BRD10: variants seen among roughly 807,000 people sequenced by gnomAD.
BRD10 encodes bromodomain containing 10.
At chr9:6,003,761 T>C in the BRD10 span, among the ~76,000 whole-genome samples, 7 of 151,928 alleles carry the variant, frequency 4.6e-5, no homozygotes, top group African/African-American at 7.2e-5. Flanking sequence ...AAAATATATA[T>C]AGATAATATA....
At chr9:5,921,681 G>A in the BRD10 span, 1 of 1,613,882 alleles carries the variant, frequency 6.2e-7, no homozygotes, top group Non-Finnish European at 8.5e-7. Flanking sequence ...ACTTGTTGCT[G>A]TTTAGTTGGA....
the BRD10 span, among the ~76,000 whole-genome samples, chr9:5,973,087 C>T: frequency 2.0e-5 from 3 of 152,156 alleles, no homozygotes; most frequent in African/African-American, 7.2e-5. Flanking sequence ...AGTAGTAATA[C>T]ATAGGTTAAT....
At chr9:5,930,710 A>G in the BRD10 span, among the ~76,000 whole-genome samples, 3 of 152,174 alleles carry the variant, frequency 2.0e-5, no homozygotes, top group Admixed American at 6.5e-5. Flanking sequence ...TTTATTTCAT[A>G]TATTAATCTA....
chr9:5,922,780 C>T, the BRD10 span: 1 of 1,614,000 alleles, frequency 6.2e-7, no homozygotes, highest in African/African-American at 1.3e-5. Flanking sequence ...TTGGCAACCA[C>T]TGGCCACAGG....
chr9:6,005,502 G>A, the BRD10 span, among the ~76,000 whole-genome samples: 19 of 152,280 alleles, frequency 1.2e-4, no homozygotes, highest in African/African-American at 4.3e-4. Context: ...GAGACTCAGA[G>A]AAAATAAAAT....
chr9:5,892,997 C>T, the BRD10 span, among the ~76,000 whole-genome samples: 9 of 152,146 alleles, frequency 5.9e-5, no homozygotes, highest in African/African-American at 1.9e-4. Context: ...CAGCCAGACT[C>T]GAGAGGAAGA....
the BRD10 span, chr9:5,920,876 G>C: frequency 4.3e-6 from 7 of 1,614,014 alleles, no homozygotes; most frequent in Admixed American, 8.3e-5. Flanking sequence ...TATAGCCACA[G>C]TGTTTCCGAG....
chr9:5,911,929 T>G, the BRD10 span, among the ~76,000 whole-genome samples: 1 of 152,196 alleles, frequency 6.6e-6, no homozygotes, highest in Non-Finnish European at 1.5e-5. Flanking sequence ...ATGAAGAATG[T>G]TATTGTTACT....
chr9:5,904,311 T>C, the BRD10 span, among the ~76,000 whole-genome samples: 2 of 152,258 alleles, frequency 1.3e-5, no homozygotes, highest in African/African-American at 2.4e-5. Flanking sequence ...AAAGTAGTTA[T>C]TGATATAGTT....
At chr9:6,008,367 G>T in the BRD10 span, 6 of 950,756 alleles carry the variant, frequency 6.3e-6, no homozygotes, top group Non-Finnish European at 6.3e-6. Flanking sequence ...GCGGTGAGGG[G>T]GGAGAAAGGG....
At chr9:6,004,834 T>C in the BRD10 span, among the ~76,000 whole-genome samples, 2 of 152,198 alleles carry the variant, frequency 1.3e-5, no homozygotes, top group East Asian at 1.9e-4. Context: ...GTTGTGCCCA[T>C]TGGAAGCAGT....
the BRD10 span, among the ~76,000 whole-genome samples, chr9:5,979,905 C>T: frequency 6.6e-6 from 1 of 150,752 alleles, no homozygotes; most frequent in Admixed American, 6.6e-5. Context: ...GCCCTAGCTA[C>T]TCAGGAGGCT....
At chr9:6,008,105 T>C in the BRD10 span, 4 of 983,102 alleles carry the variant, frequency 4.1e-6, no homozygotes, top group Admixed American at 2.5e-4. Context: ...CGCCTGCTCT[T>C]CACCGGCCAG....
chr9:5,892,679 T>C, the BRD10 span: 2 of 699,734 alleles, frequency 2.9e-6, no homozygotes, highest in Non-Finnish European at 4.5e-6. Flanking sequence ...GTAACATCCC[T>C]GGCAACAAGG....
chr9:5,960,045 A>G, the BRD10 span, among the ~76,000 whole-genome samples: 1 of 152,098 alleles, frequency 6.6e-6, no homozygotes, highest in Non-Finnish European at 1.5e-5. Context: ...TTATTCTTCA[A>G]AGTCCTTCAT....
chr9:5,887,056 C>G, the BRD10 span, among the ~76,000 whole-genome samples: 1 of 152,074 alleles, frequency 6.6e-6, no homozygotes, highest in Admixed American at 6.5e-5. Context: ...GTCAGGAGTT[C>G]GAGACCAGCC....
At chr9:5,994,669 G>A in the BRD10 span, among the ~76,000 whole-genome samples, 4 of 152,020 alleles carry the variant, frequency 2.6e-5, no homozygotes, top group Non-Finnish European at 5.9e-5. Flanking sequence ...TTATCTCCCT[G>A]GACCAATTAT....
the BRD10 span, chr9:5,923,157 G>C: frequency 1.1e-5 from 18 of 1,613,832 alleles, no homozygotes; most frequent in Non-Finnish European, 1.4e-5. Context: ...CTTGGAGAAA[G>C]CTCTTTTGTG....
chr9:5,932,918 A>G, the BRD10 span, among the ~76,000 whole-genome samples: 4 of 152,306 alleles, frequency 2.6e-5, no homozygotes, highest in Admixed American at 6.5e-5. Flanking sequence ...TAAAATTACA[A>G]TAATAATTAA....
Sources: gnomAD v4.1 joint callset for allele counts (sites outside exome capture counted in the v4.1 genomes callset) on GRCh38, gnomAD v4.1.1 for gene constraint, MANE v1.5 for transcripts, NCBI Gene and HGNC (gene_info 2026-07-23, HGNC 2026-07-21) for gene names.